Variants in XKR9 observed in about 807,000 individuals in gnomAD.
XKR9 encodes the protein XK related 9.
In XKR9, 32 loss-of-function variants were observed where a neutral mutation model predicts 32.0. The ratio of observed to expected loss-of-function variants is 1.00; its 90% CI spans 0.76 to 1.34. The LOEUF is 1.34. Ranked by LOEUF, XKR9 falls within the 40% of genes most tolerant of loss-of-function variation. The probability of loss-of-function intolerance (pLI) is 0.00; values close to 1 mark genes in which losing one functional copy is unlikely to be tolerated. For synonymous variants in XKR9, 168 were observed against 143.4 expected (o/e 1.17, Z -1.22); for missense variants, 546 against 429.7 (o/e 1.27, Z -2.39).
the XKR9 span, among the ~76,000 whole-genome samples, chr8:70,859,473 A>C: frequency 3.3e-5 from 5 of 152,126 alleles, no homozygotes; most frequent in South Asian, 1.0e-3. Context: ...CTAAAAATAG[A>C]TCCAGCAATC....
chr8:70,786,952 G>C (rs777065164), intron 2 of XKR9, among the ~76,000 whole-genome samples: 15 of 152,044 alleles, frequency 9.9e-5, no homozygotes, highest in Non-Finnish European at 1.9e-4. Flanking sequence ...TTTTTGGTTT[G>C]TGGTTACCAA....
chr8:70,846,532 T>A, the XKR9 span, among the ~76,000 whole-genome samples: 2 of 151,900 alleles, frequency 1.3e-5, no homozygotes, highest in Non-Finnish European at 2.9e-5. Flanking sequence ...CATATATCAA[T>A]AAACAACCTT....
chr8:70,762,105 G>A (rs959931313), intron 2 of XKR9, among the ~76,000 whole-genome samples: 29 of 152,094 alleles, frequency 1.9e-4, no homozygotes, highest in Admixed American at 1.7e-3. Context: ...CTGTAGCCCT[G>A]TAGTATAGTT....
At chr8:70,993,605 C>A in the XKR9 span, among the ~76,000 whole-genome samples, 17 of 12,992 alleles carry the variant, frequency 1.3e-3, no homozygotes, top group Admixed American at 0.014. Context: ...AGGACATCTT[C>A]CTTCCTTCCT....
chr8:70,881,407 T>C, the XKR9 span, among the ~76,000 whole-genome samples: 1 of 152,008 alleles, frequency 6.6e-6, no homozygotes, highest in Non-Finnish European at 1.5e-5. Context: ...TACTATGAAC[T>C]CAAACAAATT....
intron 4 of XKR9, among the ~76,000 whole-genome samples, chr8:70,714,674 G>A (rs999837015): frequency 2.3e-4 from 35 of 151,970 alleles, no homozygotes; most frequent in African/African-American, 8.2e-4. Context: ...GGATTTTTTG[G>A]TATTTGAAGA....
At chr8:70,728,657 C>CTA (rs1340966188) in intron 4 of XKR9, among the ~76,000 whole-genome samples, 4 of 152,144 alleles carry the variant, frequency 2.6e-5, no homozygotes, top group Middle Eastern at 3.2e-3. Flanking sequence ...AACAGGTGTA[C>CTA]TATAGTATTT....
the XKR9 span, among the ~76,000 whole-genome samples, chr8:70,814,955 C>G: frequency 1.0e-3 from 157 of 152,236 alleles, 1 homozygote; most frequent in Middle Eastern, 6.8e-3. Context: ...CAATAACAAT[C>G]CAGTAGAGAA....
chr8:70,788,754 A>T (rs1807724853), intron 2 of XKR9, among the ~76,000 whole-genome samples: 1 of 152,150 alleles, frequency 6.6e-6, no homozygotes, highest in Non-Finnish European at 1.5e-5. Context: ...TCCATCAGGT[A>T]AAAGCAAATG....
At chr8:70,716,642 G>T (rs1031215810) in intron 4 of XKR9, among the ~76,000 whole-genome samples, 1 of 152,106 alleles carries the variant, frequency 6.6e-6, no homozygotes, top group African/African-American at 2.4e-5. Flanking sequence ...CATGACACGT[G>T]GGGCTTATAG....
the XKR9 span, among the ~76,000 whole-genome samples, chr8:71,027,784 G>C: frequency 3.8e-4 from 19 of 49,752 alleles, no homozygotes; most frequent in Non-Finnish European, 1.1e-3. Context: ...TTTGGCGGGG[G>C]GGGGGGGTCT....
chr8:70,740,740 C>G (rs566330529), downstream of XKR9, among the ~76,000 whole-genome samples: 2 of 152,342 alleles, frequency 1.3e-5, no homozygotes, highest in Admixed American at 1.3e-4. Context: ...ACTCCAGACC[C>G]TGTTTGCCTG....
At chr8:70,721,328 T>C (rs1026058183) in intron 4 of XKR9, among the ~76,000 whole-genome samples, 12 of 152,188 alleles carry the variant, frequency 7.9e-5, no homozygotes, top group African/African-American at 2.9e-4. Context: ...CTTAGTTATT[T>C]CTTGTCTTCT....
the XKR9 span, among the ~76,000 whole-genome samples, chr8:70,945,070 A>T: frequency 6.6e-6 from 1 of 152,210 alleles, no homozygotes; most frequent in South Asian, 2.1e-4. Context: ...TTTCTTAATA[A>T]ACACTTAATG....
the XKR9 span, among the ~76,000 whole-genome samples, chr8:70,874,310 T>C: frequency 6.6e-6 from 1 of 152,196 alleles, no homozygotes; most frequent in Non-Finnish European, 1.5e-5. Flanking sequence ...ACTTTTCTGA[T>C]ATTCCTGCTA....
chr8:70,932,568 A>G, the XKR9 span, among the ~76,000 whole-genome samples: 1 of 152,180 alleles, frequency 6.6e-6, no homozygotes, highest in South Asian at 2.1e-4. Flanking sequence ...TAGGCCTGTC[A>G]TAATAAAGTA....
chr8:70,904,424 G>C, the XKR9 span, among the ~76,000 whole-genome samples: 1 of 151,258 alleles, frequency 6.6e-6, no homozygotes, highest in Non-Finnish European at 1.5e-5. Flanking sequence ...TTTTGTCAGA[G>C]ACTGGGATTA....
At chr8:70,766,839 C>T (rs971518056) in intron 2 of XKR9, among the ~76,000 whole-genome samples, 2 of 152,156 alleles carry the variant, frequency 1.3e-5, no homozygotes, top group African/African-American at 4.8e-5. Context: ...GCCTTTTCTA[C>T]ATCAATTGAG....
At chr8:71,038,109 A>C in the XKR9 span, among the ~76,000 whole-genome samples, 1 of 152,184 alleles carries the variant, frequency 6.6e-6, no homozygotes, top group African/African-American at 2.4e-5. Flanking sequence ...CTCCTCTAAC[A>C]AAATGTTACA....
Sources: allele counts gnomAD v4.1 joint callset (sites outside exome capture counted in the v4.1 genomes callset), GRCh38; gene constraint gnomAD v4.1.1; transcripts MANE v1.5; gene names NCBI Gene and HGNC (gene_info 2026-07-23, HGNC 2026-07-21).